The following WWOX variants were observed in gnomAD, a reference collection of about 807,000 sequenced individuals.
WWOX encodes WW domain containing oxidoreductase.
Under a neutral mutation model 46.2 loss-of-function variants are expected in WWOX, and 69 were observed. The observed-to-expected ratio is 1.49, with a 90% CI of 1.23 to 1.82. The LOEUF (loss-of-function observed/expected upper bound fraction) is 1.82, where lower values mean the gene tolerates loss of function less well. WWOX is among the 40% of genes most tolerant of loss of function. The pLI, the probability that WWOX is intolerant of heterozygous loss-of-function variation, is 0.00. For missense variants in WWOX, 919 were observed against 542.6 expected, an observed-to-expected ratio of 1.69 and a Z score of -6.89; for synonymous variants, 359 against 202.6, an observed-to-expected ratio of 1.77 and a Z score of -6.56.
chr16:79,005,503 C>T lies in WWOX; in HGVS notation c.1057-206105C>T, dbSNP rs76054202. Among the ~76,000 whole-genome samples, 735 of 152,262 alleles carry T rather than the reference C, an allele frequency of 4.8e-3. 17 individuals are homozygous for T. The East Asian group carries it at 0.071, about 15-fold the overall frequency. On this transcript the variant is annotated intron_variant, in intron 8 of 8. Coordinates refer to ENST00000566780, the MANE Select transcript of WWOX (RefSeq NM_016373.4). ...AAGTCGAGGTTTCGGCAAGGCCATC[C>T]TCTCTCTGAAAACTCTATGGGGGCG...
chr16:79,187,447 C>G (rs1395238234), intron 8 of WWOX, among the ~76,000 whole-genome samples: 3 of 152,204 alleles, frequency 2.0e-5, no homozygotes, highest in Non-Finnish European at 4.4e-5. Context: ...GTCACCCAGG[C>G]TGGAGTGCAG....
chr16:78,122,116 G>T (rs796879030), intron 4 of WWOX, among the ~76,000 whole-genome samples: 27 of 152,242 alleles, frequency 1.8e-4, no homozygotes, highest in African/African-American at 6.3e-4. Context: ...ATCTCTTACT[G>T]TGCCTAATTT....
At chr16:78,364,391 T>C (rs1320172420) in intron 5 of WWOX, among the ~76,000 whole-genome samples, 2 of 152,210 alleles carry the variant, frequency 1.3e-5, no homozygotes, top group African/African-American at 4.8e-5. Context: ...AACCATTTAC[T>C]TGGCTTTGGA....
In WWOX at chr16:79,157,813, G is replaced by A. The variant is rs573597725; in HGVS notation, c.1057-53795G>A. ...AGAGGCAGAGGGAGAGGGTCAAACC[G>A]TGGGTTCTGTGGGGAGGACTGAACG... is the stretch of plus-strand genomic sequence containing the variant. On this transcript the variant is annotated intron_variant, in intron 8 of 8. Transcript: ENST00000566780. Among the ~76,000 whole-genome samples, 12 of 152,294 alleles carry A rather than the reference G, an allele frequency of 7.9e-5. 1 individual carries two copies. In the East Asian group the frequency reaches 2.1e-3, roughly 27 times the overall value.
intron 8 of WWOX, among the ~76,000 whole-genome samples, chr16:78,570,516 G>C (rs938800045): frequency 6.6e-6 from 1 of 151,950 alleles, no homozygotes; most frequent in South Asian, 2.1e-4. Context: ...AGTATCGCTT[G>C]TTGCTCAGGC....
intron 8 of WWOX, among the ~76,000 whole-genome samples, chr16:79,171,093 C>T (rs535442872): frequency 1.3e-5 from 2 of 152,198 alleles, no homozygotes; most frequent in East Asian, 3.9e-4. Context: ...ATTTGCTGAC[C>T]CAGTGCTAGG....
At position 78,971,947 on chromosome 16, in the gene WWOX, C is replaced by T. The variant is rs569913553; in HGVS notation, c.1057-239661C>T. Among the ~76,000 whole-genome samples, 8 of 152,272 alleles carry T rather than the reference C, an allele frequency of 5.3e-5. No homozygotes were observed. The East Asian group carries it at 1.2e-3, about 22-fold the overall frequency. On this transcript the variant is annotated intron_variant, in intron 8 of 8. Transcript: ENST00000566780. ...ATGAGGATCCATCGGGAGCCTCAGG[C>T]GCACACTCGGGGAGCATTGGAGCTC...
rs548800001 is a variant in WWOX at position 78,546,168 on chromosome 16, A to G, written c.1056+113416A>G. ...TAATTAATCACAAAAAGCTAATACTATGACAAAGAATGTAAGTTACTAATA... is the reference window on the plus strand; with the variant it reads ...TAATTAATCACAAAAAGCTAATACTGTGACAAAGAATGTAAGTTACTAATA... On this transcript the variant is annotated intron_variant, in intron 8 of 8. Transcript: ENST00000566780. Among the ~76,000 whole-genome samples the G allele has an allele frequency of 1.1e-4, 17 of 152,326 alleles. No homozygotes were observed. In the South Asian group the frequency reaches 2.3e-3, roughly 20 times the overall value.
Position 78,115,046 on chromosome 16 carries a change from C to T in WWOX, c.301C>T (p.Pro101Ser), listed in dbSNP as rs574637594. Reference protein sequence around the residue: ...AFTVDDNPTKPTTRQRYDGST... With the variant: ...AFTVDDNPTKSTTRQRYDGST... ...TACTGTGGATGATAATCCGACCAAG[C>T]CAACCACCCGGCAAAGATACGACGG... The change falls in exon 4 of 9, where the codon CCA becomes TCA. Residue 101 changes from proline (P) to serine (S), a missense_variant. Coordinates refer to ENST00000566780, the MANE Select transcript of WWOX (RefSeq NM_016373.4). 1.4e-5 allele frequency: 22 copies of T among 1,614,088 alleles called. No homozygotes were observed. Among genetic ancestry groups the T allele is most frequent in the Non-Finnish European group, 1.8e-5 (21 of 1,180,046 alleles).
chr16:78,549,334 C>A (rs913078209), intron 8 of WWOX, among the ~76,000 whole-genome samples: 1 of 152,176 alleles, frequency 6.6e-6, no homozygotes, highest in Non-Finnish European at 1.5e-5. Flanking sequence ...ATTGAATCTG[C>A]TGTAAGCTCT....
chr16:78,840,174 G>C (rs2052100073), intron 8 of WWOX, among the ~76,000 whole-genome samples: 1 of 152,184 alleles, frequency 6.6e-6, no homozygotes, highest in Admixed American at 6.5e-5. Flanking sequence ...TTGACCCTCA[G>C]TGTGTACTTG....
At chr16:78,623,604 C>G (rs150603366) in intron 8 of WWOX, among the ~76,000 whole-genome samples, 1 of 151,884 alleles carries the variant, frequency 6.6e-6, no homozygotes, top group African/African-American at 2.4e-5. Context: ...CACTTGAACC[C>G]GAGAGGCAGG....
At chr16:78,591,746 A>G (rs1342368735) in intron 8 of WWOX, among the ~76,000 whole-genome samples, 2 of 152,218 alleles carry the variant, frequency 1.3e-5, no homozygotes, top group East Asian at 3.8e-4. Flanking sequence ...TGCTCTCTGA[A>G]GGTGGAGGCT....
chr16:78,449,898 T>G (rs2083651325), intron 8 of WWOX, among the ~76,000 whole-genome samples: 1 of 99,268 alleles, frequency 1.0e-5, no homozygotes, highest in African/African-American at 3.7e-5. Flanking sequence ...AAGCGTGAAC[T>G]TTTTTTTTTT....
intron 8 of WWOX, among the ~76,000 whole-genome samples, chr16:78,543,294 C>A (rs1203209080): frequency 6.7e-6 from 1 of 150,188 alleles, no homozygotes; most frequent in Non-Finnish European, 1.5e-5. Context: ...CTGGCTAGGC[C>A]AGTCACGTGG....
At position 78,566,045 on chromosome 16, in the gene WWOX, C is replaced by T. The variant is rs572257383; in HGVS notation, c.1056+133293C>T. ...CTCACAGTCTAGAGGCTGGGAAGTC[C>T]AAGGTGAAGCCATGGGCACATTCTG... is the stretch of plus-strand genomic sequence containing the variant. On this transcript the variant is annotated intron_variant, in intron 8 of 8. Coordinates refer to ENST00000566780, the MANE Select transcript of WWOX (RefSeq NM_016373.4). Among the ~76,000 whole-genome samples, 52 of 152,232 alleles carry T rather than the reference C, an allele frequency of 3.4e-4. No homozygotes were observed. The South Asian group carries it at 0.01, about 30-fold the overall frequency.
At chr16:78,821,100 G>T (rs949893634) in intron 8 of WWOX, among the ~76,000 whole-genome samples, 2 of 152,260 alleles carry the variant, frequency 1.3e-5, no homozygotes, top group East Asian at 3.9e-4. Flanking sequence ...TTTCTAGGGG[G>T]ACACTATTGA....
intron 6 of WWOX, among the ~76,000 whole-genome samples, chr16:78,423,505 G>T (rs572687056): frequency 6.6e-6 from 1 of 152,194 alleles, no homozygotes; most frequent in South Asian, 2.1e-4. Context: ...TTTTTCACAA[G>T]TATACAATTA....
intron 8 of WWOX, among the ~76,000 whole-genome samples, chr16:79,133,780 G>C (rs546803025): frequency 2.0e-5 from 3 of 152,166 alleles, no homozygotes; most frequent in African/African-American, 4.8e-5. Flanking sequence ...TTAACTAGGC[G>C]TATAGAATTG....
Sources: gnomAD v4.1 joint callset for allele counts (sites outside exome capture counted in the v4.1 genomes callset) on GRCh38, gnomAD v4.1.1 for gene constraint, MANE v1.5 for transcripts, NCBI Gene and HGNC (gene_info 2026-07-23, HGNC 2026-07-21) for gene names.